Variants in ANKRD26 observed in about 807,000 individuals in gnomAD.
ANKRD26 encodes the protein ankyrin repeat domain-containing protein 26.
A neutral mutation model predicts 208.7 loss-of-function variants in ANKRD26; 141 were observed. The ratio of observed to expected loss-of-function variants is 0.68; its 90% CI spans 0.59 to 0.78. The LOEUF (loss-of-function observed/expected upper bound fraction) is 0.78. Among genes scored for constraint, ANKRD26 ranks in the 30% least tolerant of loss-of-function variants. The probability of loss-of-function intolerance (pLI) is 0.00; values close to 1 mark genes in which losing one functional copy is unlikely to be tolerated. For missense variants in ANKRD26, 1,889 were observed against 1,938.7 expected, an observed-to-expected ratio of 0.97 and a Z score of 0.48; for synonymous variants, 636 against 660.4, an observed-to-expected ratio of 0.96 and a Z score of 0.57.
chr10:27,021,121 T>C (rs945579037), intron 29 of ANKRD26, among the ~76,000 whole-genome samples: 1 of 152,252 alleles, frequency 6.6e-6, no homozygotes, highest in African/African-American at 2.4e-5. Context: ...TCCTGCATTC[T>C]TGGAAACCTC....
chr10:27,048,690 T>C, intron 17 of ANKRD26, 111 bp downstream of exon 17: 1 of 1,108,884 alleles, frequency 9.0e-7, no homozygotes, highest in South Asian at 1.5e-5. Context: ...CAAGGTTGCA[T>C]ATCCCTTGCA....
Position 27,048,922 on chromosome 10 carries a change from GTA to G in ANKRD26, c.1691_1692del (p.Ile564ThrfsTer2). 1 of 1,611,150 alleles carries G rather than the reference GTA, an allele frequency of 6.2e-7. No homozygotes were observed. On this transcript the variant is annotated frameshift_variant, in exon 17 of 34. Coordinates refer to ENST00000376087, the MANE Select transcript of ANKRD26 (RefSeq NM_014915.3). LOFTEE classifies it high-confidence loss of function. The stretch of plus-strand genomic sequence containing the variant: ...TCAGCATCATCAGTAGCACCATCAT[GTA>G]TGTTTGCTGATACTTCCATTTCATT... ...RNNEMEVSAN[I>X]HDGATDDAED...
intron 6 of ANKRD26, among the ~76,000 whole-genome samples, chr10:27,080,443 C>T (rs895451602): frequency 6.6e-6 from 1 of 152,146 alleles, no homozygotes; most frequent in African/African-American, 2.4e-5. Context: ...GGACTACTCA[C>T]CCCAGAAATA....
chr10:27,092,892 G>C (rs1257986046), intron 3 of ANKRD26, among the ~76,000 whole-genome samples: 1 of 152,108 alleles, frequency 6.6e-6, no homozygotes, highest in Non-Finnish European at 1.5e-5. Context: ...AGGCCCGCCT[G>C]GCCAACATGG....
chr10:27,016,217 T>TG (rs1373023380), intron 30 of ANKRD26, among the ~76,000 whole-genome samples: 1 of 152,138 alleles, frequency 6.6e-6, no homozygotes, highest in African/African-American at 2.4e-5. Context: ...CTTGAACTCC[T>TG]GGGCTCAAGT....
chr10:27,094,481 A>C (rs1347102910), intron 1 of ANKRD26, among the ~76,000 whole-genome samples: 1 of 152,164 alleles, frequency 6.6e-6, no homozygotes, highest in Non-Finnish European at 1.5e-5. Flanking sequence ...ATGGCTTAGT[A>C]AGTGCCTCAG....
the ANKRD26 span, among the ~76,000 whole-genome samples, chr10:26,960,063 G>A: frequency 7.2e-5 from 11 of 151,862 alleles, no homozygotes; most frequent in Non-Finnish European, 1.5e-4. Context: ...TCAAGAAGCT[G>A]AGACACGAGA....
chr10:26,972,129 G>A (rs555131553), downstream of ANKRD26, among the ~76,000 whole-genome samples: 8 of 151,962 alleles, frequency 5.3e-5, no homozygotes, highest in Non-Finnish European at 1.2e-4. Flanking sequence ...CAGCTACTCG[G>A]GAGGCTGAGG....
downstream of ANKRD26, among the ~76,000 whole-genome samples, chr10:26,972,112 G>A (rs565590604): frequency 2.4e-4 from 37 of 151,966 alleles, no homozygotes; most frequent in Admixed American, 1.3e-3. Flanking sequence ...GCGGGCGCCT[G>A]TAGTCCCAGC....
intron 25 of ANKRD26, among the ~76,000 whole-genome samples, chr10:27,033,005 G>A (rs371744112): frequency 1.3e-5 from 2 of 149,646 alleles, no homozygotes; most frequent in Non-Finnish European, 3.0e-5. Flanking sequence ...AGCCCGGGAG[G>A]TGGGGCTTGC....
At chr10:26,981,633 A>G (rs551932385) in intron 4 of ANKRD26, among the ~76,000 whole-genome samples, 2 of 152,366 alleles carry the variant, frequency 1.3e-5, no homozygotes, top group Middle Eastern at 3.4e-3. Flanking sequence ...ATGATTTACC[A>G]TAAGTATTTT....
At chr10:26,953,285 T>C in the ANKRD26 span, among the ~76,000 whole-genome samples, 1 of 151,832 alleles carries the variant, frequency 6.6e-6, no homozygotes, top group Non-Finnish European at 1.5e-5. Flanking sequence ...TAGCCAGGCG[T>C]GGTGGTGTGT....
At chr10:27,028,564 C>G (rs866320822) in intron 27 of ANKRD26, among the ~76,000 whole-genome samples, 4 of 117,232 alleles carry the variant, frequency 3.4e-5, no homozygotes, top group Non-Finnish European at 4.8e-5. Context: ...CCAGCCTGGG[C>G]GACAGAGTGA....
In ANKRD26 at chr10:27,029,687, A is replaced by G. The variant is rs1209633525; in HGVS notation, c.3808-331T>C. Among the ~76,000 whole-genome samples, 3 of 152,240 alleles carry G rather than the reference A, an allele frequency of 2.0e-5. No homozygotes were observed. The East Asian group carries it at 5.8e-4, about 29-fold the overall frequency. ...CAAACTTGGTAAAATGTAGAAAGAT[A>G]GGAAATTACCTTACGATAAGCATTT... is the stretch of plus-strand genomic sequence containing the variant. On this transcript the variant is annotated intron_variant, in intron 25 of 33. Transcript: ENST00000376087.
chr10:26,950,264 T>G, the ANKRD26 span, among the ~76,000 whole-genome samples: 2 of 150,626 alleles, frequency 1.3e-5, no homozygotes, highest in East Asian at 1.9e-4. Flanking sequence ...TCCTCTTTGC[T>G]CTCTCTCTCT....
chr10:27,032,968 G>C (rs575804099), intron 25 of ANKRD26, among the ~76,000 whole-genome samples: 1 of 150,936 alleles, frequency 6.6e-6, no homozygotes. Context: ...CCAGCTACTC[G>C]GGAGGCTGAG....
At chr10:27,057,923 G>A (rs1204277333) in intron 15 of ANKRD26, among the ~76,000 whole-genome samples, 1 of 146,828 alleles carries the variant, frequency 6.8e-6, no homozygotes, top group African/African-American at 2.5e-5. Context: ...GTGACAGAGC[G>A]AGACTCCATC....
intron 32 of ANKRD26, among the ~76,000 whole-genome samples, chr10:27,011,706 G>GT (rs1475053251): frequency 6.6e-6 from 1 of 152,152 alleles, no homozygotes; most frequent in Non-Finnish European, 1.5e-5. Context: ...GGCTAGCTAG[G>GT]ACCTTGTTAC....
At chr10:27,054,899 T>C (rs1589293356) in intron 15 of ANKRD26, among the ~76,000 whole-genome samples, 1 of 152,282 alleles carries the variant, frequency 6.6e-6, no homozygotes, top group East Asian at 1.9e-4. Flanking sequence ...TGTTTGAACA[T>C]TTATGCTTTC....
Sources: allele counts gnomAD v4.1 joint callset (sites outside exome capture counted in the v4.1 genomes callset), GRCh38; gene constraint gnomAD v4.1.1; transcripts MANE v1.5; gene names NCBI Gene and HGNC (gene_info 2026-07-23, HGNC 2026-07-21).